Variants in SULF1 observed in about 807,000 individuals in gnomAD.
SULF1 encodes extracellular sulfatase Sulf-1.
A neutral mutation model predicts 110.5 loss-of-function variants in SULF1; 46 were observed. That is an observed-to-expected ratio of 0.42 (90% CI 0.33 to 0.53). The LOEUF (loss-of-function observed/expected upper bound fraction) is 0.53, where lower values mean the gene tolerates loss of function less well. Among genes scored for constraint, SULF1 ranks in the 20% least tolerant of loss-of-function variants. SULF1 has a pLI of 0.12. For missense variants in SULF1, 941 were observed against 1,094.2 expected (o/e 0.86, Z 1.98); for synonymous variants, 371 against 387.1 (o/e 0.96, Z 0.49).
At chr8:69,624,286 AGC>A in intron 15 of SULF1, 89 bp downstream of exon 15, 1 of 1,499,876 alleles carries the variant, frequency 6.7e-7, no homozygotes, top group South Asian at 1.4e-5. Context: ...TTGGCAAAAA[AGC>A]AGTATCACTT....
chr8:69,584,670 C>G (rs112381592), intron 6 of SULF1: 1 of 152,216 alleles, frequency 6.6e-6, no homozygotes, highest in Non-Finnish European at 1.5e-5. Context: ...TATTAGCCTA[C>G]AGTTGGGCAA....
intron 13 of SULF1, among the ~76,000 whole-genome samples, chr8:69,616,582 A>T (rs1809162797): frequency 6.6e-6 from 1 of 150,754 alleles, no homozygotes; most frequent in Admixed American, 6.6e-5. Flanking sequence ...TTGTATTTTT[A>T]GTAGAGACGG....
chr8:69,526,798 A>AAAGG (rs5892198), intron 3 of SULF1, among the ~76,000 whole-genome samples: 23,558 of 112,066 alleles, frequency 0.21, 2,685 homozygotes, highest in Middle Eastern at 0.33. Context: ...GTCAAGAAAG[A>AAAGG]AAGGAAGGAA....
At chr8:69,503,044 T>C (rs948449709) in intron 3 of SULF1, among the ~76,000 whole-genome samples, 3 of 152,168 alleles carry the variant, frequency 2.0e-5, no homozygotes, top group African/African-American at 7.2e-5. Flanking sequence ...ATAAGTCCTG[T>C]AATCACCAAA....
intron 3 of SULF1, among the ~76,000 whole-genome samples, chr8:69,505,218 G>A (rs369508962): frequency 2.8e-4 from 43 of 152,288 alleles, no homozygotes; most frequent in African/African-American, 1.0e-3. Context: ...AAATTTCACA[G>A]CTTGGGGGAG....
chr8:69,628,339 CAGA>C (rs1395977616), intron 18 of SULF1, 103 bp downstream of exon 18: 18 of 960,670 alleles, frequency 1.9e-5, no homozygotes, highest in Non-Finnish European at 2.5e-5. Context: ...AGTGCCGCTT[CAGA>C]AGAAGTAGAT....
chr8:69,646,756 C>T (rs897412886), intron 22 of SULF1, among the ~76,000 whole-genome samples: 1 of 152,068 alleles, frequency 6.6e-6, no homozygotes, highest in Non-Finnish European at 1.5e-5. Flanking sequence ...ATTTATTTAA[C>T]TTCTTTTATT....
At chr8:69,608,950 T>A (rs1423775600) in intron 13 of SULF1, among the ~76,000 whole-genome samples, 1 of 152,136 alleles carries the variant, frequency 6.6e-6, no homozygotes, top group African/African-American at 2.4e-5. Flanking sequence ...CATGCACATG[T>A]GCATACTGAG....
chr8:69,613,229 G>C (rs1011573147), intron 13 of SULF1, among the ~76,000 whole-genome samples: 1 of 149,228 alleles, frequency 6.7e-6, no homozygotes, highest in African/African-American at 2.5e-5. Flanking sequence ...TTTTATGCCA[G>C]TACCATGCTG....
At chr8:69,515,381 G>C (rs1000815202) in intron 3 of SULF1, among the ~76,000 whole-genome samples, 1 of 152,188 alleles carries the variant, frequency 6.6e-6, no homozygotes, top group South Asian at 2.1e-4. Context: ...GCCATGGCTG[G>C]AGTTGGAGCA....
chr8:69,602,247 G>C (rs1487250430), intron 10 of SULF1, among the ~76,000 whole-genome samples: 1 of 152,076 alleles, frequency 6.6e-6, no homozygotes, highest in East Asian at 1.9e-4. Context: ...ATTTTGAAAA[G>C]CTGGCTTTTC....
intron 1 of SULF1, among the ~76,000 whole-genome samples, chr8:69,478,726 C>A (rs1230163220): frequency 6.6e-6 from 1 of 152,136 alleles, no homozygotes; most frequent in Admixed American, 6.6e-5. Flanking sequence ...TAATTATGTA[C>A]AATTTTGCAT....
intron 3 of SULF1, among the ~76,000 whole-genome samples, chr8:69,546,370 C>T (rs570593950): frequency 9.2e-5 from 14 of 152,290 alleles, no homozygotes; most frequent in African/African-American, 2.6e-4. Context: ...CATTTATCCC[C>T]GTGGTCAGGC....
At chr8:69,599,687 G>A (rs1213043991) in intron 8 of SULF1, among the ~76,000 whole-genome samples, 2 of 152,178 alleles carry the variant, frequency 1.3e-5, no homozygotes, top group South Asian at 2.1e-4. Flanking sequence ...GTAGATTATA[G>A]TCTGTTAAAG....
intron 1 of SULF1, among the ~76,000 whole-genome samples, chr8:69,495,153 A>G (rs1469884239): frequency 6.6e-6 from 1 of 152,186 alleles, no homozygotes; most frequent in Non-Finnish European, 1.5e-5. Context: ...AGTTGGAGTA[A>G]TATCAGGTTG....
intron 3 of SULF1, among the ~76,000 whole-genome samples, chr8:69,562,122 G>A (rs543685750): frequency 2.0e-5 from 3 of 152,214 alleles, no homozygotes; most frequent in South Asian, 2.1e-4. Flanking sequence ...TTTAAAAACC[G>A]ATTTCTTCTT....
chr8:69,629,786 A>T, intron 19 of SULF1, 107 bp downstream of exon 19: 1 of 1,033,566 alleles, frequency 9.7e-7, no homozygotes, highest in Non-Finnish European at 1.4e-6. Context: ...AAGATTCAAG[A>T]GAAAGGCATC....
At chr8:69,500,296 A>G (rs1423263284) in intron 2 of SULF1, among the ~76,000 whole-genome samples, 1 of 152,006 alleles carries the variant, frequency 6.6e-6, no homozygotes, top group Non-Finnish European at 1.5e-5. Flanking sequence ...CCTCACATCA[A>G]CCCTATGGGG....
chr8:69,501,668 T>G (rs1381954365), intron 2 of SULF1, among the ~76,000 whole-genome samples: 1 of 152,188 alleles, frequency 6.6e-6, no homozygotes, highest in Non-Finnish European at 1.5e-5. Context: ...GCAGTCAAAA[T>G]AGAAACTTCT....
Sources: gnomAD v4.1 joint callset for allele counts (sites outside exome capture counted in the v4.1 genomes callset) on GRCh38, gnomAD v4.1.1 for gene constraint, MANE v1.5 for transcripts, NCBI Gene and HGNC (gene_info 2026-07-23, HGNC 2026-07-21) for gene names.